Variants in RSBN1 observed in about 807,000 individuals in gnomAD.
RSBN1 encodes round spermatid basic protein 1.
Under a neutral mutation model 74.8 loss-of-function variants are expected in RSBN1, and 23 were observed. That is an observed-to-expected ratio of 0.31 (90% confidence interval 0.22 to 0.44). RSBN1 has a LOEUF of 0.44. RSBN1 is among the 20% of genes least tolerant of loss of function. The pLI is 1.00. For missense variants in RSBN1, 808 were observed against 1,020.9 expected, an observed-to-expected ratio of 0.79 and a Z score of 2.84; for synonymous variants, 407 against 379.6, an observed-to-expected ratio of 1.07 and a Z score of -0.84.
In RSBN1 at chr1:113,812,309, C is replaced by A. The variant is rs374756604; in HGVS notation, c.104G>T (p.Gly35Val). Residue 35 changes from glycine to valine, a missense_variant, in exon 1 of 7, where the codon GGG (glycine) becomes GTG (valine). Physicochemically the swap from Gly to Val is moderately radical, Grantham distance 109. Around this residue, in one of 6 missense-constraint regions of RSBN1, gnomAD observed 464 missense variants for 401.0 expected, o/e 1.16. Transcript: ENST00000261441. ...ARAALARCAD[G>V]GAVGPFKCVF... ...ACATTTAAATGGCCCGACCGCCCCC[C>A]CGTCCGCGCATCGCGCAAGCGCCGC... 2.4e-5 allele frequency: 38 copies of A among 1,604,298 alleles called. No individual in the cohort carries two copies. Among genetic ancestry groups the A allele is most frequent in the Middle Eastern group, 1.6e-4 (1 of 6,062 alleles).
At chr1:113,808,818 A>G (rs1393758139) in intron 1 of RSBN1, among the ~76,000 whole-genome samples, 1 of 152,176 alleles carries the variant, frequency 6.6e-6, no homozygotes, top group East Asian at 1.9e-4. Context: ...GGGAGTGCCT[A>G]AGGCTGTAAA....
At chr1:113,808,086 C>A (rs1315059213) in intron 1 of RSBN1, among the ~76,000 whole-genome samples, 1 of 152,018 alleles carries the variant, frequency 6.6e-6, no homozygotes, top group Non-Finnish European at 1.5e-5. Context: ...GGTACCGACA[C>A]TCCAGAAAAT....
chr1:113,773,638 A>G (rs2101795234), intron 4 of RSBN1, among the ~76,000 whole-genome samples: 1 of 152,384 alleles, frequency 6.6e-6, no homozygotes, highest in South Asian at 2.1e-4. Flanking sequence ...GAGTGGGTAT[A>G]TAAATTGGTA....
intron 4 of RSBN1, among the ~76,000 whole-genome samples, chr1:113,773,471 C>A (rs1659919904): frequency 6.6e-6 from 1 of 151,928 alleles, no homozygotes; most frequent in Admixed American, 6.6e-5. Context: ...TGCAGTGAGC[C>A]AAGATCGCAC....
At chr1:113,774,635 C>A (rs1372395961) in intron 4 of RSBN1, among the ~76,000 whole-genome samples, 1 of 152,076 alleles carries the variant, frequency 6.6e-6, no homozygotes, top group Non-Finnish European at 1.5e-5. Flanking sequence ...CGAGATCGCA[C>A]CACCGCACTC....
At chr1:113,802,797 C>T (rs1238529482) in intron 1 of RSBN1, among the ~76,000 whole-genome samples, 1 of 151,944 alleles carries the variant, frequency 6.6e-6, no homozygotes, top group African/African-American at 2.4e-5. Flanking sequence ...ATCATCACCC[C>T]CAGCCAGAGT....
chr1:113,789,205 C>A (rs1660317155), intron 2 of RSBN1, among the ~76,000 whole-genome samples: 1 of 152,140 alleles, frequency 6.6e-6, no homozygotes, highest in South Asian at 2.1e-4. Flanking sequence ...AAGCTGACCA[C>A]CAACGGCCAC....
chr1:113,794,400 G>A (rs1451526127), intron 2 of RSBN1, among the ~76,000 whole-genome samples: 1 of 152,034 alleles, frequency 6.6e-6, no homozygotes, highest in Non-Finnish European at 1.5e-5. Flanking sequence ...ATTATCTTTA[G>A]GAAAAAGTAC....
Position 113,812,141 on chromosome 1 carries a change from G to C in RSBN1, c.272C>G (p.Ser91Cys). The change falls in exon 1 of 7, where the codon TCT becomes TGT. Residue 91 changes from serine to cysteine, a missense_variant. Physicochemically the swap from Ser to Cys is moderately radical, Grantham distance 112 (BLOSUM62 -1). This residue lies in a region of RSBN1 where 464 missense variants were observed against 401.0 expected (regional missense o/e 1.16). Coordinates refer to ENST00000261441, the MANE Select transcript of RSBN1 (RefSeq NM_018364.5). ...SPRGVKRQRRSSSGGSQEKRG... is the reference protein window; with the variant it reads ...SPRGVKRQRRCSSGGSQEKRG... ...CTTCTCCTGAGACCCCCCACTGCTA[G>C]ATCGGCGCTGCCGTTTAACTCCCCG... 6.2e-7 allele frequency: 1 copy of C among 1,609,786 alleles called. No individual in the cohort carries two copies. The highest frequency in any genetic ancestry group is 8.5e-7 in the Non-Finnish European group (1 of 1,179,754).
At chr1:113,773,980 C>T (rs1435906637) in intron 4 of RSBN1, among the ~76,000 whole-genome samples, 3 of 151,804 alleles carry the variant, frequency 2.0e-5, no homozygotes, top group Non-Finnish European at 4.4e-5. Context: ...CCCAGCCTGG[C>T]AACACAGTGA....
chr1:113,783,295 G>A (rs1328609714), intron 2 of RSBN1, among the ~76,000 whole-genome samples: 2 of 151,860 alleles, frequency 1.3e-5, no homozygotes, highest in Non-Finnish European at 2.9e-5. Context: ...GGGGTGGAGG[G>A]GGAGAAGAAG....
At chr1:113,774,119 G>T (rs1659938064) in intron 4 of RSBN1, among the ~76,000 whole-genome samples, 1 of 152,136 alleles carries the variant, frequency 6.6e-6, no homozygotes, top group Non-Finnish European at 1.5e-5. Context: ...TGACTTGAGG[G>T]TCAGGGGAGG....
Position 113,762,797 on chromosome 1 carries a change from G to C in RSBN1, c.*3183C>G, listed in dbSNP as rs1376690870. On this transcript the variant is annotated 3_prime_UTR_variant, in exon 7 of 7. Transcript: ENST00000261441. ...TAAGTGTGACTTTTATGCCTAGTAAGACTGATGCAAGACATCTTTTCCTAA... is the reference window on the plus strand; with the variant it reads ...TAAGTGTGACTTTTATGCCTAGTAACACTGATGCAAGACATCTTTTCCTAA... 6.5e-6 allele frequency: 1 copy of C among 152,690 alleles called. No individual in the cohort carries two copies. Among genetic ancestry groups the C allele is most frequent in the African/African-American group, 2.4e-5 (1 of 41,424 alleles). 9.5% of individuals were successfully genotyped at this position (152,690 alleles called of 1,614,324 possible).
In RSBN1 at chr1:113,765,219, A is replaced by G. The variant is rs1360876346; in HGVS notation, c.*761T>C. The G allele has an allele frequency of 6.6e-6, 1 of 152,326 alleles. No homozygotes were observed. The highest frequency in any genetic ancestry group is 1.5e-5 in the Non-Finnish European group (1 of 68,000). 9.4% of individuals were successfully genotyped at this position (152,326 alleles called of 1,614,324 possible). On this transcript the variant is annotated 3_prime_UTR_variant, in exon 7 of 7. Transcript: ENST00000261441. ...CCAGGAAGCAGAACAATAGAGTATC[A>G]TGTCAACATTATCTCTTTTACCCAA...
chr1:113,803,071 C>T (rs1054772650), intron 1 of RSBN1, among the ~76,000 whole-genome samples: 1 of 152,166 alleles, frequency 6.6e-6, no homozygotes, highest in Non-Finnish European at 1.5e-5. Context: ...TTTGCCTTTT[C>T]CAGAGTGTCA....
intron 1 of RSBN1, among the ~76,000 whole-genome samples, chr1:113,808,681 A>T (rs1365753689): frequency 6.6e-6 from 1 of 152,224 alleles, no homozygotes; most frequent in East Asian, 1.9e-4. Context: ...GATCTCAGGG[A>T]CATCACACTG....
At chr1:113,793,534 C>T (rs908262909) in intron 2 of RSBN1, among the ~76,000 whole-genome samples, 2 of 152,112 alleles carry the variant, frequency 1.3e-5, no homozygotes, top group African/African-American at 4.8e-5. Flanking sequence ...AGATTCCACC[C>T]TTAGTTTCAT....
At chr1:113,790,004 T>A (rs1483115102) in intron 2 of RSBN1, among the ~76,000 whole-genome samples, 2 of 151,974 alleles carry the variant, frequency 1.3e-5, no homozygotes, top group Non-Finnish European at 2.9e-5. Context: ...TTGGTATTAG[T>A]AAAATGTTAA....
chr1:113,811,443 C>G (rs1302840100), intron 1 of RSBN1, among the ~76,000 whole-genome samples: 1 of 152,146 alleles, frequency 6.6e-6, no homozygotes, highest in Non-Finnish European at 1.5e-5. Flanking sequence ...GCGCGGAAAC[C>G]TTGCAGAATT....
Sources: gnomAD v4.1 joint callset for allele counts (sites outside exome capture counted in the v4.1 genomes callset) on GRCh38, gnomAD v4.1.1 for gene constraint, gnomAD v4.1.1 regional missense constraint, MANE v1.5 for transcripts, NCBI Gene and HGNC (gene_info 2026-07-23, HGNC 2026-07-21) for gene names.